CLEC16A: variants seen among roughly 807,000 people sequenced by gnomAD.
The protein encoded by CLEC16A is C-type lectin domain containing 16A, also known as protein CLEC16A.
Under a neutral mutation model 109.5 loss-of-function variants are expected in CLEC16A, and 51 were observed. The ratio of observed to expected loss-of-function variants is 0.47; its 90% CI spans 0.37 to 0.59. The LOEUF is 0.59. CLEC16A is among the 20% of genes least tolerant of loss of function. CLEC16A has a pLI of 0.00. For synonymous variants in CLEC16A, 673 were observed against 564.2 expected, an observed-to-expected ratio of 1.19 and a Z score of -2.73; for missense variants, 1,339 against 1,394.0, an observed-to-expected ratio of 0.96 and a Z score of 0.63.
intron 19 of CLEC16A, among the ~76,000 whole-genome samples, chr16:11,095,760 C>T (rs35099084): frequency 0.16 from 24,391 of 148,970 alleles, 2,242 homozygotes; most frequent in South Asian, 0.23. Flanking sequence ...TGCTATGAGC[C>T]GAGATCGTAC....
At chr16:11,045,711 G>C (rs1169798985) in intron 16 of CLEC16A, among the ~76,000 whole-genome samples, 4 of 152,112 alleles carry the variant, frequency 2.6e-5, no homozygotes, top group Non-Finnish European at 5.9e-5. Flanking sequence ...TGCGAGTGAT[G>C]GTTTCCCCTC....
chr16:11,102,185 T>C (rs1597388030), intron 19 of CLEC16A, among the ~76,000 whole-genome samples: 1 of 152,170 alleles, frequency 6.6e-6, no homozygotes, highest in Non-Finnish European at 1.5e-5. Flanking sequence ...GGCTGAAACG[T>C]AGTTTAAATA....
rs561920410 is a variant in CLEC16A at position 10,991,286 on chromosome 16, G to A, written c.1071+8295G>A. On this transcript the variant is annotated intron_variant, in intron 10 of 23. Coordinates refer to ENST00000409790, the MANE Select transcript of CLEC16A (RefSeq NM_015226.3). ...GGAAGCACAGACTCAAAGGAAGCAAGAGAGTGAGTCATGTTGGTATCTGGA... is the reference window on the plus strand; with the variant it reads ...GGAAGCACAGACTCAAAGGAAGCAAAAGAGTGAGTCATGTTGGTATCTGGA... Among the ~76,000 whole-genome samples the A allele has an allele frequency of 3.3e-5, 5 of 152,148 alleles. No homozygotes were observed. In the South Asian group the frequency reaches 8.3e-4, roughly 25 times the overall value.
At chr16:11,047,616 G>A (rs371202828) in intron 17 of CLEC16A, 79 of 287,096 alleles carry the variant, frequency 2.8e-4, no homozygotes, top group African/African-American at 1.6e-3. Flanking sequence ...TTTTATTGAG[G>A]ACTTACTCTG....
At chr16:11,013,147 C>A (rs1399489429) in intron 11 of CLEC16A, among the ~76,000 whole-genome samples, 1 of 152,168 alleles carries the variant, frequency 6.6e-6, no homozygotes, top group Non-Finnish European at 1.5e-5. Flanking sequence ...ATGCAGACTC[C>A]ACATAGACGG....
chr16:10,975,488 C>G (rs1475283535), intron 7 of CLEC16A, among the ~76,000 whole-genome samples: 1 of 152,036 alleles, frequency 6.6e-6, no homozygotes, highest in Non-Finnish European at 1.5e-5. Flanking sequence ...TTTAAATATA[C>G]CATTAGAGAA....
intron 19 of CLEC16A, among the ~76,000 whole-genome samples, chr16:11,105,719 C>G (rs2051177601): frequency 6.6e-6 from 1 of 152,254 alleles, no homozygotes; most frequent in African/African-American, 2.4e-5. Flanking sequence ...AAGCCTTCAG[C>G]TCCCTGCCTG....
intron 1 of CLEC16A, among the ~76,000 whole-genome samples, chr16:10,950,956 G>A (rs899557895): frequency 2.6e-5 from 4 of 152,222 alleles, no homozygotes; most frequent in African/African-American, 7.2e-5. Context: ...GGCATAGCAC[G>A]TGCAGAAAAT....
chr16:11,113,123 A>G (rs1031618178), intron 19 of CLEC16A, among the ~76,000 whole-genome samples: 5 of 152,192 alleles, frequency 3.3e-5, no homozygotes, highest in African/African-American at 7.2e-5. Context: ...ATCCACAGCT[A>G]TGTCCCAAGG....
In CLEC16A at chr16:11,181,248, G is replaced by A. The variant is rs117626075; in HGVS notation, c.*2558G>A. 4.7e-4 allele frequency: 71 copies of A among 152,414 alleles called. 1 individual carries two copies. In the East Asian group the frequency reaches 7.1e-3, roughly 15 times the overall value. 9.4% of individuals were successfully genotyped at this position (152,414 alleles called of 1,614,324 possible). ...TCCCGTCAAACCTCATAGCTGGGGC[G>A]CTCCCAGACAGGCCAGTCCAGACAG... On this transcript the variant is annotated 3_prime_UTR_variant, in exon 24 of 24. Coordinates refer to ENST00000409790, the MANE Select transcript of CLEC16A (RefSeq NM_015226.3).
At chr16:11,014,328 G>C (rs2045612892) in intron 11 of CLEC16A, among the ~76,000 whole-genome samples, 1 of 152,126 alleles carries the variant, frequency 6.6e-6, no homozygotes, top group Non-Finnish European at 1.5e-5. Flanking sequence ...TACCATAGTT[G>C]ATTCCATCGG....
At chr16:11,070,331 A>G (rs933225448) in intron 19 of CLEC16A, among the ~76,000 whole-genome samples, 7 of 151,446 alleles carry the variant, frequency 4.6e-5, no homozygotes, top group Non-Finnish European at 1.0e-4. Flanking sequence ...CGGCCTCCCA[A>G]AGTGTTGAGA....
chr16:11,092,842 G>A (rs2050390138), intron 19 of CLEC16A, among the ~76,000 whole-genome samples: 1 of 152,046 alleles, frequency 6.6e-6, no homozygotes, highest in Admixed American at 6.6e-5. Context: ...CGGTGGTCGT[G>A]ACAATTAAAT....
In CLEC16A at chr16:11,123,107, T is replaced by G. The variant is rs527970018; in HGVS notation, c.2269-635T>G. 3.3e-5 allele frequency among the ~76,000 whole-genome samples: 5 copies of G among 152,230 alleles called. No individual in the cohort carries two copies. In the East Asian group the frequency reaches 7.7e-4, roughly 24 times the overall value. On this transcript the variant is annotated intron_variant, in intron 20 of 23. Transcript: ENST00000409790. ...TTAGTACAGACTGGGTTTCACCCTC[T>G]TGGCCAGGCTGGTCTCGAACTCCTG...
rs2068684331 is a variant in CLEC16A at position 11,174,882 on chromosome 16, T to A, written c.2807-3453T>A. Among the ~76,000 whole-genome samples, 1 of 152,212 alleles carries A rather than the reference T, an allele frequency of 6.6e-6. No individual in the cohort carries two copies. Among genetic ancestry groups the A allele is most frequent in the Non-Finnish European group, 1.5e-5 (1 of 68,040 alleles). ...GGCACCCACACAGCAGTGAGGCTGATCCATGGGCCACCACCCAGCAGCCTG... is the reference window on the plus strand; with the variant it reads ...GGCACCCACACAGCAGTGAGGCTGAACCATGGGCCACCACCCAGCAGCCTG... On this transcript the variant is annotated intron_variant, in intron 23 of 23. Coordinates refer to ENST00000409790, the MANE Select transcript of CLEC16A (RefSeq NM_015226.3). This position sits in a 1 kb window ranked among gnomAD's most constrained non-coding sequence, Gnocchi z 4.7.
intron 19 of CLEC16A, among the ~76,000 whole-genome samples, chr16:11,067,183 GTTTTTGTT>G (rs2048813682): frequency 9.5e-6 from 1 of 104,828 alleles, no homozygotes; most frequent in Non-Finnish European, 1.9e-5. Context: ...TTTTTTGTTT[GTTTTTGTT>G]TTTTTTTTTT....
chr16:11,143,892 C>A (rs1275411365), intron 22 of CLEC16A, among the ~76,000 whole-genome samples: 2 of 152,196 alleles, frequency 1.3e-5, no homozygotes, highest in Admixed American at 6.5e-5. Flanking sequence ...GTGTCCTATC[C>A]TGGCTTGGCC....
chr16:11,124,085 A>G, intron 21 of CLEC16A, 139 bp downstream of exon 21: 3 of 822,678 alleles, frequency 3.6e-6, no homozygotes, highest in Admixed American at 2.7e-5. Flanking sequence ...ATATACGAAT[A>G]CGAGGAAGTT....
At chr16:11,008,480 A>G (rs187245278) in intron 11 of CLEC16A, among the ~76,000 whole-genome samples, 1 of 152,252 alleles carries the variant, frequency 6.6e-6, no homozygotes, top group East Asian at 1.9e-4. Context: ...CAGAGCTGTC[A>G]TTTAGAGAGG....
Sources: gnomAD v4.1 joint callset for allele counts (sites outside exome capture counted in the v4.1 genomes callset) on GRCh38, gnomAD v4.1.1 for gene constraint, Gnocchi (gnomAD v3.1) non-coding constraint, MANE v1.5 for transcripts, NCBI Gene and HGNC (gene_info 2026-07-23, HGNC 2026-07-21) for gene names.